The following HSD17B1 variants were observed in gnomAD, a reference collection of about 807,000 sequenced individuals.
The protein encoded by HSD17B1 is hydroxysteroid 17-beta dehydrogenase 1.
HSD17B1 carries 16 observed loss-of-function variants against 22.7 expected under a neutral mutation model. That is an observed-to-expected ratio of 0.71 (90% CI 0.48 to 1.07). The LOEUF (loss-of-function observed/expected upper bound fraction) is 1.07. Among genes scored for constraint, HSD17B1 ranks in the 50% least tolerant of loss-of-function variants. The probability of loss-of-function intolerance (pLI) is 0.00; values close to 1 mark genes in which losing one functional copy is unlikely to be tolerated. For synonymous variants in HSD17B1, 243 were observed against 211.0 expected, an observed-to-expected ratio of 1.15 and a Z score of -1.31; for missense variants, 533 against 459.9, an observed-to-expected ratio of 1.16 and a Z score of -1.45.
intron 5 of HSD17B1, 26 bp downstream of exon 5, chr17:42,554,608 G>A (rs762373586): frequency 1.9e-6 from 3 of 1,608,986 alleles, no homozygotes; most frequent in Non-Finnish European, 2.5e-6. Flanking sequence ...GACTCCAGGA[G>A]TGGGGGCGGT....
At position 42,553,287 on chromosome 17, in the gene HSD17B1, G is replaced by T; in HGVS notation, c.261G>T (p.Val87=). The change falls in exon 2 of 6, where the codon GTG becomes GTT. Residue 87 remains valine, a synonymous_variant. Transcript: ENST00000585807. ...RERVTEGRVD[V]LVCNAGLGLL... is the part of the protein sequence containing the mutation. ...GCGTGACTGAGGGCCGCGTGGACGT[G>T]CTGGGTGAGCCTCCTGGAAGCATAT... 1 of 1,607,520 alleles carries T rather than the reference G, an allele frequency of 6.2e-7. No individual in the cohort carries two copies. The highest frequency in any genetic ancestry group is 8.5e-7 in the Non-Finnish European group (1 of 1,179,830).
chr17:42,553,108 C>T lies in HSD17B1; in HGVS notation c.98-16C>T. On this transcript the variant is annotated splice_polypyrimidine_tract_variant and intron_variant, in intron 1 of 5. Transcript: ENST00000585807. ...AGAAGGGAAGTCAGATCTTCCTCCT[C>T]TCCCAAAACCTCCAGTGTATGCCAC... 6.2e-7 allele frequency: 1 copy of T among 1,613,964 alleles called. No individual in the cohort carries two copies. The highest frequency in any genetic ancestry group is 1.1e-5 in the South Asian group (1 of 91,078).
Position 42,554,414 on chromosome 17 carries a change from G to C in HSD17B1, c.549G>C (p.Leu183=). ...GCTCTCCGGCCAGCAGCTTGAGCCTGATCGAGTGCGGCCCAGTGCACACCG... is the reference window on the plus strand; with the variant it reads ...GCTCTCCGGCCAGCAGCTTGAGCCTCATCGAGTGCGGCCCAGTGCACACCG... ...LLLPFGVHLS[L]IECGPVHTAF... The change falls in exon 5 of 6, where the codon CTG becomes CTC. Residue 183 remains leucine, a synonymous_variant. Transcript: ENST00000585807. 6.2e-7 allele frequency: 1 copy of C among 1,607,080 alleles called. No homozygotes were observed. Among genetic ancestry groups the C allele is most frequent in the Non-Finnish European group, 8.5e-7 (1 of 1,175,758 alleles).
In HSD17B1 at chr17:42,553,444, A is replaced by G. The variant is rs771613139; in HGVS notation, c.271A>G (p.Asn91Asp). 76 of 1,612,516 alleles carry G rather than the reference A, an allele frequency of 4.7e-5. No individual in the cohort carries two copies. The highest frequency in any genetic ancestry group is 6.3e-5 in the Non-Finnish European group (74 of 1,179,838). ...CGGGCCTCTTGTCTCCGCAGTGTGTAACGCAGGCCTGGGCCTGCTGGGGCC... is the reference window on the plus strand; with the variant it reads ...CGGGCCTCTTGTCTCCGCAGTGTGTGACGCAGGCCTGGGCCTGCTGGGGCC... ...TEGRVDVLVC[N>D]AGLGLLGPLE... Residue 91 changes from asparagine to aspartate, a missense_variant, in exon 3 of 6, where the codon AAC becomes GAC. Asn to Asp is a conservative substitution (Grantham distance 23). Coordinates refer to ENST00000585807, the MANE Select transcript of HSD17B1 (RefSeq NM_000413.4).
In HSD17B1 at chr17:42,554,750, C is replaced by G; in HGVS notation, c.799C>G (p.Arg267Gly). 1 of 1,603,884 alleles carries G rather than the reference C, an allele frequency of 6.2e-7. No homozygotes were observed. Among genetic ancestry groups the G allele is most frequent in the South Asian group, 1.1e-5 (1 of 91,086 alleles). The change falls in exon 6 of 6, where the codon CGC becomes GGC. Residue 267 changes from arginine to glycine, a missense_variant. Arg to Gly is a moderately radical substitution (Grantham distance 125). Coordinates refer to ENST00000585807, the MANE Select transcript of HSD17B1 (RefSeq NM_000413.4). ...TERFLPLLRM[R>G]LDDPSGSNYV... Reference sequence around the variant, plus strand: ...GCGCTTCCTGCCCCTGCTGCGGATGCGCCTGGACGACCCCAGCGGCTCCAA... The same window carrying G: ...GCGCTTCCTGCCCCTGCTGCGGATGGGCCTGGACGACCCCAGCGGCTCCAA...
chr17:42,553,694 G>T, intron 3 of HSD17B1, 76 bp downstream of exon 3: 2 of 1,598,390 alleles, frequency 1.3e-6, no homozygotes, highest in Non-Finnish European at 1.7e-6. Flanking sequence ...AGGTTCCGCG[G>T]GGGGGGTGGA....
chr17:42,553,717 C>T, intron 3 of HSD17B1, 77 bp from the exon 4 acceptor site: 1 of 1,594,436 alleles, frequency 6.3e-7, no homozygotes, highest in Admixed American at 1.7e-5. Flanking sequence ...GGGGTGCCGT[C>T]AGCTTGGAGG....
chr17:42,553,503 T>G lies in HSD17B1; in HGVS notation c.330T>G (p.Ser110=), dbSNP rs1335659161. ...CGCTGGGGGAGGACGCCGTGGCCTC[T>G]GTGCTGGACGTGAATGTAGTAGGGA... ...LEALGEDAVA[S]VLDVNVVGTV... is the part of the protein sequence containing the mutation. Residue 110 remains serine (S), a synonymous_variant, in exon 3 of 6, where the codon TCT becomes TCG. Transcript: ENST00000585807. The G allele has an allele frequency of 1.9e-6, 3 of 1,613,994 alleles. No individual in the cohort carries two copies. Among genetic ancestry groups the G allele is most frequent in the Non-Finnish European group, 2.5e-6 (3 of 1,179,920 alleles).
In HSD17B1 at chr17:42,555,019, A is replaced by C; in HGVS notation, c.*81A>C. 2.1e-6 allele frequency: 3 copies of C among 1,410,622 alleles called. No homozygotes were observed. The highest frequency in any genetic ancestry group is 1.5e-5 in the South Asian group (1 of 64,804). The allele number at this position is 1,410,622 out of a possible 1,614,324, so 87.4% of individuals were successfully genotyped here. A position where few individuals can be genotyped will look rare whatever the true frequency, so the allele number is the denominator to read the frequency against. On this transcript the variant is annotated 3_prime_UTR_variant, in exon 6 of 6. Transcript: ENST00000585807. ...TCCCTGGGGATGGGGCGGCGGTAGC[A>C]GCTGTGGGTGGCTAATTAAGATAGA...
At chr17:42,554,019 G>C (rs1367108884) in intron 4 of HSD17B1, 132 bp downstream of exon 4, 2 of 823,734 alleles carry the variant, frequency 2.4e-6, no homozygotes, top group Non-Finnish European at 4.0e-6. Context: ...CTGTGTGCCA[G>C]GCACTTGGGC....
chr17:42,554,305 CG>C, intron 4 of HSD17B1, 99 bp from the exon 5 acceptor site: 3 of 1,434,632 alleles, frequency 2.1e-6, no homozygotes, highest in Non-Finnish European at 2.8e-6. Flanking sequence ...TGCTCGCGGT[CG>C]GGGGCCGGGA....
In HSD17B1 at chr17:42,554,859, G is replaced by A. The variant is rs1250123717; in HGVS notation, c.908G>A (p.Gly303Glu). 2 of 1,582,150 alleles carry A rather than the reference G, an allele frequency of 1.3e-6. No homozygotes were observed. Among genetic ancestry groups the A allele is most frequent in the South Asian group, 1.1e-5 (1 of 89,308 alleles). Residue 303 changes from glycine (G) to glutamate (E), a missense_variant, in exon 6 of 6, where the codon GGG (glycine) becomes GAG (glutamate). Gly to Glu is a moderately conservative substitution (Grantham distance 98, BLOSUM62 -2). Coordinates refer to ENST00000585807, the MANE Select transcript of HSD17B1 (RefSeq NM_000413.4). ...EAGAEAGGGAGPGAEDEAGRG... is the reference protein window; with the variant it reads ...EAGAEAGGGAEPGAEDEAGRG... The stretch of plus-strand genomic sequence containing the variant: ...GGGGCCGAGGCTGGGGGCGGGGCCG[G>A]GCCTGGGGCAGAGGACGAGGCCGGG...
At position 42,554,842 on chromosome 17, in the gene HSD17B1, G is replaced by A; in HGVS notation, c.891G>A (p.Glu297=). The change falls in exon 6 of 6, where the codon GAG becomes GAA. Residue 297 remains glutamate (E), a synonymous_variant. Transcript: ENST00000585807. The part of the protein sequence containing the change: ...DVPAKAEAGA[E]AGGGAGPGAE... ...CGGCAAAGGCCGAGGCTGGGGCCGA[G>A]GCTGGGGGCGGGGCCGGGCCTGGGG... 3 of 1,591,802 alleles carry A rather than the reference G, an allele frequency of 1.9e-6. No homozygotes were observed. The highest frequency in any genetic ancestry group is 1.7e-6 in the Non-Finnish European group (2 of 1,176,016).
At position 42,553,203 on chromosome 17, in the gene HSD17B1, C is replaced by T; in HGVS notation, c.177C>T (p.Ser59=). The change falls in exon 2 of 6, where the codon TCC becomes TCT. Residue 59 remains serine, a synonymous_variant. Transcript: ENST00000585807. ...AARALACPPG[S]LETLQLDVRD... is the part of the protein sequence containing the mutation. Reference sequence around the variant, plus strand: ...GGGCCCTGGCATGCCCTCCGGGATCCCTGGAGACGTTGCAGCTGGACGTAA... The same window carrying T: ...GGGCCCTGGCATGCCCTCCGGGATCTCTGGAGACGTTGCAGCTGGACGTAA... 1 of 1,613,770 alleles carries T rather than the reference C, an allele frequency of 6.2e-7. No individual in the cohort carries two copies. The highest frequency in any genetic ancestry group is 8.5e-7 in the Non-Finnish European group (1 of 1,180,028).
chr17:42,554,135 C>A, intron 4 of HSD17B1: 10 of 638,144 alleles, frequency 1.6e-5, no homozygotes, highest in Non-Finnish European at 2.7e-6. Flanking sequence ...GGCCCAAGGT[C>A]ACACAGCGGC....
chr17:42,554,562 A>C lies in HSD17B1; in HGVS notation c.697A>C (p.Asn233His). The stretch of plus-strand genomic sequence containing the variant: ...GCAAGTCTTTCGCGAGGCGGCGCAG[A>C]ACCCTGAGGAGGTGGCGGAGGTGAG... ...SKQVFREAAQNPEEVAEVFLT... is the reference protein window; with the variant it reads ...SKQVFREAAQHPEEVAEVFLT... The change falls in exon 5 of 6, where the codon AAC (asparagine) becomes CAC (histidine). Residue 233 changes from asparagine (N) to histidine (H), a missense_variant. By Grantham distance (68) the Asn-to-His change is moderately conservative. Transcript: ENST00000585807. The C allele has an allele frequency of 6.2e-7, 1 of 1,613,806 alleles. No homozygotes were observed. Among genetic ancestry groups the C allele is most frequent in the Non-Finnish European group, 8.5e-7 (1 of 1,179,878 alleles).
chr17:42,554,410 G>C lies in HSD17B1; in HGVS notation c.545G>C (p.Ser182Thr). ...CGTTGCTCTCCGGCCAGCAGCTTGA[G>C]CCTGATCGAGTGCGGCCCAGTGCAC... ...VLLLPFGVHL[S>T]LIECGPVHTA... The change falls in exon 5 of 6, where the codon AGC becomes ACC. Residue 182 changes from serine to threonine, a missense_variant. By Grantham distance (58) the Ser-to-Thr change is moderately conservative (BLOSUM62 1). Transcript: ENST00000585807. 7 of 1,605,978 alleles carry C rather than the reference G, an allele frequency of 4.4e-6. 1 individual carries two copies. Among genetic ancestry groups the C allele is most frequent in the Non-Finnish European group, 6.0e-6 (7 of 1,175,214 alleles).
rs1329883491 is a variant in HSD17B1 at position 42,554,474 on chromosome 17, G to A, written c.609G>A (p.Glu203=). The A allele has an allele frequency of 1.9e-6, 3 of 1,613,666 alleles. No individual in the cohort carries two copies. The East Asian group carries it at 6.7e-5, about 36-fold the overall frequency. ...FMEKVLGSPE[E]VLDRTDIHTF... ...AGAAGGTGTTGGGCAGCCCAGAGGA[G>A]GTGCTGGACCGCACGGACATCCACA... Residue 203 remains glutamate, a synonymous_variant, in exon 5 of 6, where the codon GAG becomes GAA. Transcript: ENST00000585807.
At position 42,552,959 on chromosome 17, in the gene HSD17B1, C is replaced by T. The variant is rs1376671271; in HGVS notation, c.26C>T (p.Thr9Ile). The change falls in exon 1 of 6, where the codon ACC (threonine) becomes ATC (isoleucine). Residue 9 changes from threonine (T) to isoleucine (I), a missense_variant. Physicochemically the swap from Thr to Ile is moderately conservative, Grantham distance 89. Coordinates refer to ENST00000585807, the MANE Select transcript of HSD17B1 (RefSeq NM_000413.4). Reference sequence around the variant, plus strand: ...ATGGCCCGCACCGTGGTGCTCATCACCGGCTGTTCCTCGGGCATCGGCCTG... The same window carrying T: ...ATGGCCCGCACCGTGGTGCTCATCATCGGCTGTTCCTCGGGCATCGGCCTG... MARTVVLI[T>I]GCSSGIGLHL... 1 of 1,614,046 alleles carries T rather than the reference C, an allele frequency of 6.2e-7. No homozygotes were observed. The highest frequency in any genetic ancestry group is 2.2e-5 in the East Asian group (1 of 44,902).
Sources: allele counts gnomAD v4.1 joint callset, GRCh38; gene constraint gnomAD v4.1.1; transcripts MANE v1.5; gene names NCBI Gene and HGNC (gene_info 2026-07-23, HGNC 2026-07-21).